Variants in CNTNAP2 observed in about 807,000 individuals in gnomAD.
CNTNAP2 encodes contactin associated protein 2.
CNTNAP2 carries 98 observed loss-of-function variants against 155.2 expected under a neutral mutation model. That is an observed-to-expected ratio of 0.63 (90% CI 0.54 to 0.75). The LOEUF is 0.75. CNTNAP2 is among the 30% of genes least tolerant of loss of function. The pLI is 0.00. For synonymous variants in CNTNAP2, 651 were observed against 631.2 expected (o/e 1.03, Z -0.47); for missense variants, 1,727 against 1,688.1 (o/e 1.02, Z -0.40).
chr7:146,961,890 T>C (rs183676498), intron 3 of CNTNAP2, among the ~76,000 whole-genome samples: 66 of 152,250 alleles, frequency 4.3e-4, no homozygotes, highest in Admixed American at 1.4e-3. Flanking sequence ...TGCCAGGGAT[T>C]ACGGTCTCTG....
chr7:147,744,755 A>G (rs1563074231), intron 13 of CNTNAP2, among the ~76,000 whole-genome samples: 1 of 152,074 alleles, frequency 6.6e-6, no homozygotes, highest in East Asian at 1.9e-4. Flanking sequence ...TCCTCTGTGC[A>G]CACCTGCTAG....
chr7:147,855,116 A>G (rs1389672149), intron 13 of CNTNAP2, among the ~76,000 whole-genome samples: 1 of 152,114 alleles, frequency 6.6e-6, no homozygotes, highest in African/African-American at 2.4e-5. Context: ...TGCGGCTCAC[A>G]TTGTATTTCT....
rs370499330 is a variant in CNTNAP2 at position 147,750,355 on chromosome 7, C to A, written c.2098+111049C>A. Among the ~76,000 whole-genome samples, 92 of 152,222 alleles carry A rather than the reference C, an allele frequency of 6.0e-4. 1 individual carries two copies. The South Asian group carries it at 0.018, about 31-fold the overall frequency. Reference sequence around the variant, plus strand: ...TATATGTGTATGTCTGCATAGAGATCCAGAATAACATTAATCAAAATATGA... The same window carrying A: ...TATATGTGTATGTCTGCATAGAGATACAGAATAACATTAATCAAAATATGA... On this transcript the variant is annotated intron_variant, in intron 13 of 23. Transcript: ENST00000361727.
At chr7:147,635,184 C>CTATATATATATA (rs57395379) in intron 12 of CNTNAP2, among the ~76,000 whole-genome samples, 7 of 137,158 alleles carry the variant, frequency 5.1e-5, no homozygotes, top group Admixed American at 2.5e-4. Flanking sequence ...CACTGGCAAA[C>CTATATATATATA]TATATATATA....
chr7:146,574,499 A>C (rs1798492372), intron 1 of CNTNAP2, among the ~76,000 whole-genome samples: 1 of 152,120 alleles, frequency 6.6e-6, no homozygotes, highest in African/African-American at 2.4e-5. Flanking sequence ...TCAAGAGATC[A>C]AGACCATTCT....
chr7:147,309,305 G>A (rs1206129435), intron 9 of CNTNAP2, among the ~76,000 whole-genome samples: 1 of 152,080 alleles, frequency 6.6e-6, no homozygotes, highest in African/African-American at 2.4e-5. Flanking sequence ...AAAAGCAAAA[G>A]CCAACTTTTT....
chr7:146,761,112 C>G (rs772366674), intron 1 of CNTNAP2, among the ~76,000 whole-genome samples: 1 of 152,190 alleles, frequency 6.6e-6, no homozygotes, highest in Non-Finnish European at 1.5e-5. Flanking sequence ...ACCTTCCATA[C>G]ATCCACTGTG....
At chr7:146,794,443 TA>T (rs1802731934) in intron 2 of CNTNAP2, among the ~76,000 whole-genome samples, 2 of 152,126 alleles carry the variant, frequency 1.3e-5, no homozygotes, top group Non-Finnish European at 2.9e-5. Flanking sequence ...TATACCTCAT[TA>T]AAAATAAAAA....
intron 1 of CNTNAP2, among the ~76,000 whole-genome samples, chr7:146,535,366 T>C (rs552424741): frequency 0.015 from 1,141 of 76,340 alleles, 228 homozygotes; most frequent in Non-Finnish European, 0.019. Context: ...TTATATAATG[T>C]ATATTATATA....
intron 10 of CNTNAP2, among the ~76,000 whole-genome samples, chr7:147,422,290 C>CAT (rs963616846): frequency 6.7e-6 from 1 of 150,356 alleles, no homozygotes; most frequent in South Asian, 2.1e-4. Flanking sequence ...ACACACTGAG[C>CAT]ATATATTCAT....
intron 5 of CNTNAP2, among the ~76,000 whole-genome samples, chr7:147,110,762 A>C (rs2129280180): frequency 6.6e-6 from 1 of 151,994 alleles, no homozygotes; most frequent in East Asian, 1.9e-4. Context: ...CATTTTCTTT[A>C]CCCAGTCTAT....
chr7:147,766,253 A>G (rs1341287511), intron 13 of CNTNAP2, among the ~76,000 whole-genome samples: 1 of 152,188 alleles, frequency 6.6e-6, no homozygotes, highest in Non-Finnish European at 1.5e-5. Context: ...TATACACTAA[A>G]TAAAACTAAG....
chr7:146,916,122 A>G (rs2129218578), intron 3 of CNTNAP2, among the ~76,000 whole-genome samples: 1 of 152,240 alleles, frequency 6.6e-6, no homozygotes, highest in South Asian at 2.1e-4. Flanking sequence ...TATCACATTT[A>G]TTGACTTGTT....
rs146252071 is a variant in CNTNAP2, at chr7:146,603,033, T to C, written c.98-171238T>C. Reference sequence around the variant, plus strand: ...GTGTAACTTAAATGCTAGTAAGACCTATTCAAGCAAGCATAGGGCTCTGCA... The same window carrying C: ...GTGTAACTTAAATGCTAGTAAGACCCATTCAAGCAAGCATAGGGCTCTGCA... On this transcript the variant is annotated intron_variant, in intron 1 of 23. Transcript: ENST00000361727. Among the ~76,000 whole-genome samples, 30 of 151,666 alleles carry C rather than the reference T, an allele frequency of 2.0e-4. No homozygotes were observed. The East Asian group carries it at 5.8e-3, about 29-fold the overall frequency.
At chr7:147,706,063 A>G (rs1796310096) in intron 13 of CNTNAP2, among the ~76,000 whole-genome samples, 1 of 151,850 alleles carries the variant, frequency 6.6e-6, no homozygotes, top group Non-Finnish European at 1.5e-5. Context: ...TTGTTAATAT[A>G]TAAAAGCTTA....
At chr7:147,366,036 G>T (rs912490014) in intron 9 of CNTNAP2, among the ~76,000 whole-genome samples, 2 of 152,114 alleles carry the variant, frequency 1.3e-5, no homozygotes, top group African/African-American at 2.4e-5. Flanking sequence ...TATGGTGAAG[G>T]TCCTTTCCTT....
intron 1 of CNTNAP2, among the ~76,000 whole-genome samples, chr7:146,272,156 A>G (rs1800092393): frequency 6.6e-6 from 1 of 152,160 alleles, no homozygotes; most frequent in South Asian, 2.1e-4. Flanking sequence ...CAGGATCCTC[A>G]CAATCATTGT....
chr7:147,411,792 G>T (rs1300598610), intron 10 of CNTNAP2, among the ~76,000 whole-genome samples: 1 of 152,094 alleles, frequency 6.6e-6, no homozygotes, highest in Non-Finnish European at 1.5e-5. Flanking sequence ...ATTCTAGGTG[G>T]TAATATGCCT....
At chr7:148,206,363 G>A (rs1217216225) in intron 18 of CNTNAP2, among the ~76,000 whole-genome samples, 4 of 150,786 alleles carry the variant, frequency 2.7e-5, no homozygotes, top group Non-Finnish European at 5.9e-5. Context: ...TATTTAATAT[G>A]AGAGAGAAAA....
Sources: gnomAD v4.1 joint callset for allele counts (sites outside exome capture counted in the v4.1 genomes callset) on GRCh38, gnomAD v4.1.1 for gene constraint, MANE v1.5 for transcripts, NCBI Gene and HGNC (gene_info 2026-07-23, HGNC 2026-07-21) for gene names.